The following MYLK4 variants were observed in gnomAD, a reference collection of about 807,000 sequenced individuals.
The protein encoded by MYLK4 is caMLCK like.
A neutral mutation model predicts 48.1 loss-of-function variants in MYLK4; 46 were observed. The ratio of observed to expected loss-of-function variants is 0.96; its 90% CI spans 0.75 to 1.22. The LOEUF is 1.22. Among genes scored for constraint, MYLK4 ranks in the 50% most tolerant of loss-of-function variants. The pLI, the probability that MYLK4 is intolerant of heterozygous loss-of-function variation, is 0.00. For synonymous variants in MYLK4, 170 were observed against 180.8 expected (o/e 0.94, Z 0.48); for missense variants, 451 against 486.1 (o/e 0.93, Z 0.68).
At chr6:2,703,862 G>A (rs146824023) in intron 2 of MYLK4, among the ~76,000 whole-genome samples, 5 of 151,876 alleles carry the variant, frequency 3.3e-5, no homozygotes, top group African/African-American at 9.7e-5. Flanking sequence ...GTAGCGATGG[G>A]GTTTCACCAT....
intron 2 of MYLK4, among the ~76,000 whole-genome samples, chr6:2,697,727 G>A (rs1762117732): frequency 6.6e-6 from 1 of 152,156 alleles, no homozygotes; most frequent in Non-Finnish European, 1.5e-5. Context: ...CTGAGATAAG[G>A]GCTGCTCCTC....
At chr6:2,717,007 C>T (rs1370024851) in intron 2 of MYLK4, among the ~76,000 whole-genome samples, 2 of 152,004 alleles carry the variant, frequency 1.3e-5, no homozygotes, top group African/African-American at 4.8e-5. Flanking sequence ...TTGAGCTAGG[C>T]CTTAATGGAG....
intron 2 of MYLK4, among the ~76,000 whole-genome samples, chr6:2,741,652 A>G (rs1271971812): frequency 6.6e-6 from 1 of 152,232 alleles, no homozygotes; most frequent in Non-Finnish European, 1.5e-5. Flanking sequence ...GTGCTTGTAG[A>G]TATTTCAAAG....
At chr6:2,697,653 A>G (rs765246871) in intron 2 of MYLK4, among the ~76,000 whole-genome samples, 8 of 152,224 alleles carry the variant, frequency 5.3e-5, no homozygotes, top group Non-Finnish European at 1.0e-4. Flanking sequence ...TTTCATTCCC[A>G]TTCAATAAAA....
the MYLK4 span, chr6:2,768,887 A>G: frequency 4.4e-6 from 7 of 1,603,466 alleles, no homozygotes; most frequent in African/African-American, 4.0e-5. Flanking sequence ...CAGCAGGTAT[A>G]TTAACTTCCT....
At chr6:2,714,395 G>A (rs1292781324) in intron 2 of MYLK4, among the ~76,000 whole-genome samples, 3 of 152,228 alleles carry the variant, frequency 2.0e-5, no homozygotes, top group South Asian at 2.1e-4. Context: ...GTTTGAATGA[G>A]TGTAAATACA....
intron 2 of MYLK4, among the ~76,000 whole-genome samples, chr6:2,721,513 G>A (rs564616339): frequency 4.0e-5 from 6 of 148,798 alleles, no homozygotes; most frequent in South Asian, 2.1e-4. Flanking sequence ...TTAACACACC[G>A]TCTATGACTT....
At chr6:2,677,830 A>G (rs1357686722) in intron 10 of MYLK4, among the ~76,000 whole-genome samples, 1 of 152,212 alleles carries the variant, frequency 6.6e-6, no homozygotes, top group East Asian at 1.9e-4. Flanking sequence ...ACTTGGCATG[A>G]TCTGGCCCAC....
At chr6:2,768,381 C>T in the MYLK4 span, among the ~76,000 whole-genome samples, 2 of 152,130 alleles carry the variant, frequency 1.3e-5, no homozygotes, top group Non-Finnish European at 2.9e-5. Context: ...ATCAAGACAG[C>T]CGTTCTTTAC....
chr6:2,753,142 A>G (rs1449362960), upstream of MYLK4, among the ~76,000 whole-genome samples: 5 of 152,314 alleles, frequency 3.3e-5, no homozygotes, highest in South Asian at 8.3e-4. Flanking sequence ...AAAAATACCA[A>G]CATCAGGAAA....
chr6:2,770,156 A>C, the MYLK4 span: 1 of 1,614,212 alleles, frequency 6.2e-7, no homozygotes, highest in Non-Finnish European at 8.5e-7. Context: ...TGGGACGATC[A>C]CTCTGATTGG....
At chr6:2,735,585 T>C (rs1454148412) in intron 2 of MYLK4, among the ~76,000 whole-genome samples, 1 of 152,124 alleles carries the variant, frequency 6.6e-6, no homozygotes, top group East Asian at 1.9e-4. Flanking sequence ...ATGTGAAGGA[T>C]ACAAAGAAAT....
chr6:2,768,717 C>G, the MYLK4 span: 2 of 1,611,554 alleles, frequency 1.2e-6, no homozygotes, highest in Non-Finnish European at 1.7e-6. Flanking sequence ...TCATAGCCAG[C>G]AACAGCAAGA....
intron 2 of MYLK4, among the ~76,000 whole-genome samples, chr6:2,716,465 T>C (rs1433063048): frequency 6.6e-6 from 1 of 152,264 alleles, no homozygotes; most frequent in Non-Finnish European, 1.5e-5. Context: ...GTGTTTGTTA[T>C]GCAGATAGAA....
intron 6 of MYLK4, among the ~76,000 whole-genome samples, chr6:2,683,458 C>T (rs920581092): frequency 6.8e-6 from 1 of 147,752 alleles, no homozygotes; most frequent in South Asian, 2.2e-4. Flanking sequence ...CTCGCTGTGT[C>T]GCTCAGGCTA....
At chr6:2,764,412 C>T in the MYLK4 span, among the ~76,000 whole-genome samples, 3 of 152,080 alleles carry the variant, frequency 2.0e-5, no homozygotes, top group South Asian at 2.1e-4. Flanking sequence ...CGAGTGAGAC[C>T]CTCAATGTGC....
At chr6:2,712,151 T>C (rs1762696778) in intron 2 of MYLK4, among the ~76,000 whole-genome samples, 2 of 152,200 alleles carry the variant, frequency 1.3e-5, no homozygotes, top group South Asian at 2.1e-4. Flanking sequence ...CAAGCACGGA[T>C]GCCACTCTCC....
the MYLK4 span, among the ~76,000 whole-genome samples, chr6:2,763,433 G>GA: frequency 6.6e-6 from 1 of 152,184 alleles, no homozygotes; most frequent in African/African-American, 2.4e-5. Flanking sequence ...GTCCCCAGTT[G>GA]GGGGGAGGCT....
At chr6:2,694,653 G>T (rs1351460350) in intron 2 of MYLK4, among the ~76,000 whole-genome samples, 1 of 83,418 alleles carries the variant, frequency 1.2e-5, no homozygotes, top group Non-Finnish European at 2.5e-5. Flanking sequence ...GACGGTCATG[G>T]TGATGATGGT....
Sources: gnomAD v4.1 joint callset for allele counts (sites outside exome capture counted in the v4.1 genomes callset) on GRCh38, gnomAD v4.1.1 for gene constraint, MANE v1.5 for transcripts, NCBI Gene and HGNC (gene_info 2026-07-23, HGNC 2026-07-21) for gene names.